SLC36A1: variants seen among roughly 807,000 people sequenced by gnomAD.
The protein encoded by SLC36A1 is solute carrier family 36 member 1, also known as proton-coupled amino acid transporter 1.
In SLC36A1, 30 loss-of-function variants were observed where a neutral mutation model predicts 47.5. The observed-to-expected ratio is 0.63, with a 90% confidence interval of 0.47 to 0.86. The LOEUF (loss-of-function observed/expected upper bound fraction) is 0.86, where lower values mean the gene tolerates loss of function less well. SLC36A1 is among the 40% of genes least tolerant of loss of function. The probability of loss-of-function intolerance (pLI) is 0.00; values close to 1 mark genes in which losing one functional copy is unlikely to be tolerated. For missense variants in SLC36A1, 517 were observed against 606.0 expected (o/e 0.85, Z 1.54); for synonymous variants, 255 against 249.7 (o/e 1.02, Z -0.20).
At chr5:151,554,365 T>C in the SLC36A1 span, 1 of 1,612,948 alleles carries the variant, frequency 6.2e-7, no homozygotes. Context: ...TGCTCACCGT[T>C]AGGATGTTGT....
At chr5:151,523,465 C>A in the SLC36A1 span, among the ~76,000 whole-genome samples, 7 of 152,326 alleles carry the variant, frequency 4.6e-5, no homozygotes, top group East Asian at 1.3e-3. Context: ...CAAGGTCATA[C>A]AGCAGCAGAT....
the SLC36A1 span, among the ~76,000 whole-genome samples, chr5:151,403,081 C>T: frequency 1.3e-5 from 2 of 151,752 alleles, no homozygotes; most frequent in African/African-American, 2.4e-5. Flanking sequence ...TTCTCTAGTT[C>T]CTCTAGGTGC....
the SLC36A1 span, chr5:151,543,890 G>A: frequency 5.9e-5 from 95 of 1,614,076 alleles, no homozygotes; most frequent in East Asian, 2.0e-4. Flanking sequence ...TACTCCAGGC[G>A]GGAGGTGTCT....
chr5:151,365,166 G>C, the SLC36A1 span, among the ~76,000 whole-genome samples: 3 of 152,186 alleles, frequency 2.0e-5, no homozygotes, highest in Admixed American at 6.5e-5. Context: ...AGAAGAAAGA[G>C]AAAGATGATA....
chr5:151,354,680 A>G, the SLC36A1 span, among the ~76,000 whole-genome samples: 1 of 152,276 alleles, frequency 6.6e-6, no homozygotes, highest in East Asian at 1.9e-4. Flanking sequence ...GACAGAAAAG[A>G]CAGACAGTTT....
intron 8 of SLC36A1, 23 bp from the exon 9 acceptor site, chr5:151,476,567 C>T: frequency 5.6e-6 from 8 of 1,419,970 alleles, no homozygotes; most frequent in South Asian, 3.7e-5. Context: ...CACTTTCTCT[C>T]CTCTCTCACT....
the SLC36A1 span, among the ~76,000 whole-genome samples, chr5:151,429,590 A>AT: frequency 6.6e-6 from 1 of 151,844 alleles, no homozygotes. Context: ...TTCTTAATCC[A>AT]GTCTATCATT....
At chr5:151,408,282 G>A in the SLC36A1 span, among the ~76,000 whole-genome samples, 5 of 152,052 alleles carry the variant, frequency 3.3e-5, no homozygotes, top group Admixed American at 6.5e-5. Context: ...TCTGCCTCCC[G>A]GGTTCAAGTG....
upstream of SLC36A1, among the ~76,000 whole-genome samples, chr5:151,442,629 C>A (rs1487478224): frequency 6.6e-6 from 1 of 152,076 alleles, no homozygotes; most frequent in Non-Finnish European, 1.5e-5. Flanking sequence ...CAAATCTCTC[C>A]CTATCCTTTC....
the SLC36A1 span, chr5:151,507,003 C>T: frequency 4.6e-6 from 3 of 646,158 alleles, no homozygotes; most frequent in South Asian, 2.3e-5. Context: ...AGCATCCGTG[C>T]CCTGTAATCT....
chr5:151,555,300 G>A, the SLC36A1 span, among the ~76,000 whole-genome samples: 43 of 152,100 alleles, frequency 2.8e-4, no homozygotes, highest in Admixed American at 1.1e-3. Flanking sequence ...ACTGAACTGT[G>A]GAGAATGCTT....
rs1409633574 is a variant in SLC36A1 at position 151,488,285 on chromosome 5, C to T, written c.*31C>T. On this transcript the variant is annotated 3_prime_UTR_variant, in exon 11 of 11. Transcript: ENST00000243389. ...TGGGTTCGTCTCTGCAGCTGCCTAC[C>T]CCTGCCCCATGTGTCCCCCGTTACC... The T allele has an allele frequency of 1.2e-6, 2 of 1,606,712 alleles. No homozygotes were observed. The highest frequency in any genetic ancestry group is 1.1e-5 in the South Asian group (1 of 89,982).
At chr5:151,518,857 C>G in the SLC36A1 span, among the ~76,000 whole-genome samples, 1 of 152,190 alleles carries the variant, frequency 6.6e-6, no homozygotes, top group Non-Finnish European at 1.5e-5. Context: ...AAAATATCCA[C>G]CCTCCCCAGA....
the SLC36A1 span, among the ~76,000 whole-genome samples, chr5:151,352,781 T>C: frequency 6.6e-6 from 1 of 152,238 alleles, no homozygotes; most frequent in African/African-American, 2.4e-5. Flanking sequence ...CTCTTGTCTG[T>C]AGTCAAATCT....
the SLC36A1 span, among the ~76,000 whole-genome samples, chr5:151,362,109 T>A: frequency 6.6e-6 from 1 of 152,200 alleles, no homozygotes; most frequent in South Asian, 2.1e-4. Flanking sequence ...ATTTATCTTT[T>A]TCAACTTTTG....
the SLC36A1 span, among the ~76,000 whole-genome samples, chr5:151,536,030 T>TA: frequency 3.9e-5 from 6 of 152,156 alleles, no homozygotes; most frequent in Non-Finnish European, 7.3e-5. Context: ...AAGTTACAAA[T>TA]AGTATTCTAC....
At chr5:151,457,183 A>C (rs1402677031) in intron 1 of SLC36A1, among the ~76,000 whole-genome samples, 1 of 151,910 alleles carries the variant, frequency 6.6e-6, no homozygotes, top group African/African-American at 2.4e-5. Flanking sequence ...GACTCTGTAG[A>C]GTGGTTGTTT....
rs959444426 is a variant in SLC36A1, at chr5:151,490,860, C to T, written c.*2606C>T. The T allele has an allele frequency of 6.6e-6, 1 of 152,398 alleles. No individual in the cohort carries two copies. Among genetic ancestry groups the T allele is most frequent in the Non-Finnish European group, 1.5e-5 (1 of 68,218 alleles). 9.4% of individuals were successfully genotyped at this position (152,398 alleles called of 1,614,324 possible). On this transcript the variant is annotated 3_prime_UTR_variant, in exon 11 of 11. Transcript: ENST00000243389. ...TTCCTCCTCTTATGCAAGCAGCTCGCAGCCAGCCCAGAATCTCTTATGCAG... is the reference window on the plus strand; with the variant it reads ...TTCCTCCTCTTATGCAAGCAGCTCGTAGCCAGCCCAGAATCTCTTATGCAG...
At chr5:151,414,295 C>CAAGAAGCGA in the SLC36A1 span, among the ~76,000 whole-genome samples, 1 of 151,750 alleles carries the variant, frequency 6.6e-6, no homozygotes, top group African/African-American at 2.4e-5. Context: ...AGCATGTTAC[C>CAAGAAGCGA]TATAGGAAAA....
Sources: allele counts gnomAD v4.1 joint callset (sites outside exome capture counted in the v4.1 genomes callset), GRCh38; gene constraint gnomAD v4.1.1; transcripts MANE v1.5; gene names NCBI Gene and HGNC (gene_info 2026-07-23, HGNC 2026-07-21).